The following APOL2 variants were observed in gnomAD, a reference collection of about 807,000 sequenced individuals.
APOL2 encodes the protein apolipoprotein L2.
APOL2 carries 8 observed loss-of-function variants against 7.1 expected under a neutral mutation model. The observed-to-expected ratio is 1.12, with a 90% CI of 0.66 to 2.03. The LOEUF (loss-of-function observed/expected upper bound fraction) is 2.03. Among genes scored for constraint, APOL2 ranks in the 30% most tolerant of loss-of-function variants. The probability of loss-of-function intolerance (pLI) is 0.00; values close to 1 mark genes in which losing one functional copy is unlikely to be tolerated. For synonymous variants in APOL2, 177 were observed against 159.9 expected (o/e 1.11, Z -0.81); for missense variants, 471 against 415.1 (o/e 1.13, Z -1.17).
intron 3 of APOL2, 82 bp from the exon 4 acceptor site, chr22:36,231,548 T>C: frequency 1.3e-6 from 2 of 1,522,068 alleles, no homozygotes; most frequent in South Asian, 2.4e-5. Context: ...GGTTACATGT[T>C]AATTTTTCCT....
intron 3 of APOL2, among the ~76,000 whole-genome samples, 173 bp from the exon 4 acceptor site, chr22:36,231,639 A>C (rs1264430135): frequency 6.6e-6 from 1 of 152,202 alleles, no homozygotes; most frequent in Non-Finnish European, 1.5e-5. Context: ...TCATATGCTG[A>C]AGCCCTAAAC....
rs139937806 is a variant in APOL2, at chr22:36,227,390, G to A, written c.*14C>T. 38 of 1,586,820 alleles carry A rather than the reference G, an allele frequency of 2.4e-5. No homozygotes were observed. In the African/African-American group the frequency reaches 2.6e-4, roughly 11 times the overall value. ...GCCCGGCATTTCTGCCCTGGTGGCT[G>A]CACTGCTCTGGGGTCATTGGTCTTG... On this transcript the variant is annotated 3_prime_UTR_variant, in exon 5 of 5. Coordinates refer to ENST00000358502, the MANE Select transcript of APOL2 (RefSeq NM_030882.4).
intron 4 of APOL2, 85 bp downstream of exon 4, chr22:36,231,255 G>A (rs1375484796): frequency 7.1e-6 from 11 of 1,541,074 alleles, no homozygotes; most frequent in South Asian, 1.2e-5. Context: ...CCTGGAGGAG[G>A]TGTGCCTGTC....
Position 36,227,966 on chromosome 22 carries a change from G to GT in APOL2, c.451dup (p.Thr151AsnfsTer61). 1 of 1,614,226 alleles carries GT rather than the reference G, an allele frequency of 6.2e-7. No homozygotes were observed. The highest frequency in any genetic ancestry group is 1.1e-5 in the South Asian group (1 of 91,088). ...AGCTGCTGCTCCCAGACCCATGCCA[G>GT]TGTCCAAGAGCACAAAACTGATTCC... On this transcript the variant is annotated frameshift_variant, in exon 5 of 5. Coordinates refer to ENST00000358502, the MANE Select transcript of APOL2 (RefSeq NM_030882.4). LOFTEE classifies it low-confidence loss of function (END_TRUNC).
intron 1 of APOL2, among the ~76,000 whole-genome samples, chr22:36,235,647 A>T (rs2015371947): frequency 6.6e-6 from 1 of 152,084 alleles, no homozygotes; most frequent in South Asian, 2.1e-4. Flanking sequence ...ATGACAGAGG[A>T]AAAGGAGCTA....
intron 1 of APOL2, 89 bp downstream of exon 1, chr22:36,239,352 G>T: frequency 2.1e-6 from 3 of 1,410,912 alleles, no homozygotes; most frequent in Non-Finnish European, 2.8e-6. Flanking sequence ...ACCTCTCTGA[G>T]CTTATCTACA....
intron 1 of APOL2, among the ~76,000 whole-genome samples, chr22:36,236,340 G>T (rs1365541730): frequency 6.6e-6 from 1 of 152,126 alleles, no homozygotes; most frequent in African/African-American, 2.4e-5. Flanking sequence ...TTTAAAGAGG[G>T]GAGTCAAGAA....
intron 4 of APOL2, among the ~76,000 whole-genome samples, chr22:36,230,317 C>T (rs2015173836): frequency 6.6e-6 from 1 of 152,124 alleles, no homozygotes; most frequent in African/African-American, 2.4e-5. Context: ...AAAGGGTAGT[C>T]CAGAACTCAC....
intron 1 of APOL2, among the ~76,000 whole-genome samples, chr22:36,235,821 A>G (rs1672817728): frequency 6.6e-6 from 1 of 150,866 alleles, no homozygotes; most frequent in Non-Finnish European, 1.5e-5. Context: ...GCAGGTGGGG[A>G]TAACCAAGAA....
intron 1 of APOL2, among the ~76,000 whole-genome samples, chr22:36,238,069 C>G (rs1227452043): frequency 6.6e-6 from 1 of 152,182 alleles, no homozygotes; most frequent in African/African-American, 2.4e-5. Context: ...CCAGAGGGAG[C>G]TCTACCTGTA....
chr22:36,239,700 C>T, upstream of APOL2: 1 of 583,728 alleles, frequency 1.7e-6, no homozygotes, highest in Non-Finnish European at 3.1e-6. Flanking sequence ...CAGCCGCAGA[C>T]CAGACATCCG....
At chr22:36,234,142 T>G (rs939886763) in intron 1 of APOL2, 8 of 152,284 alleles carry the variant, frequency 5.3e-5, no homozygotes, top group African/African-American at 1.7e-4. Context: ...CTCCCTCACG[T>G]AAAACTGCTC....
intron 1 of APOL2, chr22:36,237,279 C>T: frequency 2.9e-6 from 4 of 1,360,404 alleles, no homozygotes; most frequent in Non-Finnish European, 3.8e-6. Context: ...TCCCTCCCAC[C>T]TCAGCTCTGA....
chr22:36,232,566 G>A (rs2015258934), intron 3 of APOL2, among the ~76,000 whole-genome samples: 1 of 152,210 alleles, frequency 6.6e-6, no homozygotes, highest in Non-Finnish European at 1.5e-5. Context: ...TTATTTTCAT[G>A]GTACACGAGA....
chr22:36,239,353 C>A, intron 1 of APOL2, 88 bp downstream of exon 1: 1 of 1,415,286 alleles, frequency 7.1e-7, no homozygotes, highest in Non-Finnish European at 9.5e-7. Context: ...CCTCTCTGAG[C>A]TTATCTACAA....
At chr22:36,229,245 A>AC (rs1290097912) in intron 4 of APOL2, among the ~76,000 whole-genome samples, 1 of 151,576 alleles carries the variant, frequency 6.6e-6, no homozygotes, top group Admixed American at 6.6e-5. Flanking sequence ...TTTAGCAGGA[A>AC]CCCCCCACTC....
chr22:36,239,768 C>A, upstream of APOL2: 1 of 497,354 alleles, frequency 2.0e-6, no homozygotes. Flanking sequence ...TCTGCTGTGT[C>A]AGCTGCCCAT....
Position 36,226,936 on chromosome 22 carries a change from T to C in APOL2, c.*468A>G. On this transcript the variant is annotated 3_prime_UTR_variant, in exon 5 of 5. Transcript: ENST00000358502. ...CTTGCCATCTGCATTAACCCCTCCC[T>C]TGCTGTGCTCAGCTACACAAATGCC... The C allele has an allele frequency of 6.0e-6, 1 of 165,882 alleles. No individual in the cohort carries two copies. The highest frequency in any genetic ancestry group is 1.3e-5 in the Non-Finnish European group (1 of 76,464). The allele number at this position is 165,882 out of a possible 1,614,324, so 10.3% of individuals were successfully genotyped here.
chr22:36,236,683 G>C (rs975164672), intron 1 of APOL2: 5 of 984,758 alleles, frequency 5.1e-6, no homozygotes, highest in Non-Finnish European at 6.0e-6. Context: ...AGTGGTTCCC[G>C]GGCATCCTCC....
Sources: gnomAD v4.1 joint callset for allele counts (sites outside exome capture counted in the v4.1 genomes callset) on GRCh38, gnomAD v4.1.1 for gene constraint, MANE v1.5 for transcripts, NCBI Gene and HGNC (gene_info 2026-07-23, HGNC 2026-07-21) for gene names.